The following SLC4A4 variants were observed in gnomAD, a reference collection of about 807,000 sequenced individuals.
The protein encoded by SLC4A4 is solute carrier family 4 member 4, also known as electrogenic sodium bicarbonate cotransporter 1.
A neutral mutation model predicts 111.5 loss-of-function variants in SLC4A4; 27 were observed. The ratio of observed to expected loss-of-function variants is 0.24; its 90% CI spans 0.18 to 0.33. The LOEUF (loss-of-function observed/expected upper bound fraction) is 0.33, where lower values mean the gene tolerates loss of function less well. Ranked by LOEUF, SLC4A4 falls within the 10% of genes least tolerant of loss-of-function variation. The pLI is 1.00. For synonymous variants in SLC4A4, 443 were observed against 463.4 expected (o/e 0.96, Z 0.57); for missense variants, 909 against 1,315.5 (o/e 0.69, Z 4.78).
At chr4:71,125,559 A>G (rs953855783) in intron 2 of SLC4A4, among the ~76,000 whole-genome samples, 3 of 152,182 alleles carry the variant, frequency 2.0e-5, no homozygotes, top group East Asian at 1.9e-4. Flanking sequence ...GACTCTCTCT[A>G]AAAAAGAGAA....
intron 16 of SLC4A4, among the ~76,000 whole-genome samples, chr4:71,499,107 A>G (rs1299745040): frequency 6.6e-6 from 1 of 151,872 alleles, no homozygotes; most frequent in Non-Finnish European, 1.5e-5. Context: ...TTCCTTCTTA[A>G]TAAGTAATTT....
At chr4:71,418,487 C>T (rs188639985) in intron 7 of SLC4A4, among the ~76,000 whole-genome samples, 12 of 152,160 alleles carry the variant, frequency 7.9e-5, no homozygotes, top group Admixed American at 2.6e-4. Flanking sequence ...TATTAAGTTC[C>T]GAAAACATTA....
At chr4:71,345,654 G>A (rs1329122403) in intron 4 of SLC4A4, among the ~76,000 whole-genome samples, 1 of 152,022 alleles carries the variant, frequency 6.6e-6, no homozygotes, top group Non-Finnish European at 1.5e-5. Flanking sequence ...TAAGGGCATG[G>A]CCATTAAGCA....
intron 4 of SLC4A4, among the ~76,000 whole-genome samples, chr4:71,344,706 T>G (rs1405014566): frequency 6.6e-6 from 1 of 152,172 alleles, no homozygotes; most frequent in East Asian, 1.9e-4. Context: ...ACCTATACTT[T>G]TCAGTTGGCT....
intron 2 of SLC4A4, among the ~76,000 whole-genome samples, chr4:71,248,511 A>G (rs1470943880): frequency 6.6e-6 from 1 of 151,800 alleles, no homozygotes; most frequent in Non-Finnish European, 1.5e-5. Flanking sequence ...GAGCAAAGTT[A>G]ACATTATTTT....
At chr4:71,221,585 T>C (rs1045505389) in intron 1 of SLC4A4, among the ~76,000 whole-genome samples, 6 of 152,210 alleles carry the variant, frequency 3.9e-5, no homozygotes, top group Non-Finnish European at 8.8e-5. Context: ...CTCTATGCTA[T>C]TCTCATGATA....
At chr4:71,253,948 A>G (rs1395696430) in intron 2 of SLC4A4, among the ~76,000 whole-genome samples, 1 of 152,188 alleles carries the variant, frequency 6.6e-6, no homozygotes, top group African/African-American at 2.4e-5. Context: ...CTGAAGGAGC[A>G]TATAATTCTT....
At chr4:71,427,784 A>G (rs553868866) in intron 7 of SLC4A4, among the ~76,000 whole-genome samples, 2 of 152,180 alleles carry the variant, frequency 1.3e-5, no homozygotes, top group Non-Finnish European at 1.5e-5. Flanking sequence ...TAGTTCACCA[A>G]GTGCATAGGC....
intron 3 of SLC4A4, chr4:71,300,528 G>T: frequency 8.1e-6 from 2 of 247,104 alleles, no homozygotes; most frequent in East Asian, 1.1e-4. Context: ...GGCCACTAGC[G>T]GCATGCAGAT....
At chr4:71,455,853 C>T (rs796488969) in intron 12 of SLC4A4, among the ~76,000 whole-genome samples, 12 of 152,188 alleles carry the variant, frequency 7.9e-5, no homozygotes, top group African/African-American at 2.9e-4. Flanking sequence ...TTTGATCCCT[C>T]CTAGATGGAT....
At chr4:71,110,355 C>A (rs1277497739) in intron 2 of SLC4A4, among the ~76,000 whole-genome samples, 5 of 152,088 alleles carry the variant, frequency 3.3e-5, no homozygotes, top group Non-Finnish European at 5.9e-5. Context: ...GCTGGGACTA[C>A]AGGCACATGT....
intron 12 of SLC4A4, among the ~76,000 whole-genome samples, chr4:71,464,894 A>G (rs1337392075): frequency 2.6e-5 from 4 of 152,166 alleles, no homozygotes; most frequent in African/African-American, 9.7e-5. Flanking sequence ...TTACTGTGTA[A>G]GTTTTGTAAG....
chr4:71,426,299 C>T (rs1438273762), intron 7 of SLC4A4, among the ~76,000 whole-genome samples: 2 of 151,982 alleles, frequency 1.3e-5, no homozygotes, highest in African/African-American at 2.4e-5. Flanking sequence ...ATGCCCTTGG[C>T]CAAGAGGAGG....
At chr4:71,095,931 A>G (rs1285876187) in intron 2 of SLC4A4, among the ~76,000 whole-genome samples, 1 of 152,170 alleles carries the variant, frequency 6.6e-6, no homozygotes, top group Admixed American at 6.5e-5. Flanking sequence ...TTCCAGATAG[A>G]GAAGACAGCA....
At chr4:71,249,570 G>A (rs1383752454) in intron 2 of SLC4A4, among the ~76,000 whole-genome samples, 2 of 152,084 alleles carry the variant, frequency 1.3e-5, no homozygotes, top group Non-Finnish European at 2.9e-5. Flanking sequence ...ACTCTTATGG[G>A]TTTGAGAATA....
At position 71,532,142 on chromosome 4, in the gene SLC4A4, C is replaced by T; in HGVS notation, c.2247C>T (p.Asp749=). The part of the protein sequence containing the change: ...FCVIDALVGV[D]TPKLIVPSEF... Reference sequence around the variant, plus strand: ...TAATAGATGCCCTAGTAGGCGTGGACACCCCAAAACTAATTGTGCCAAGTG... The same window carrying T: ...TAATAGATGCCCTAGTAGGCGTGGATACCCCAAAACTAATTGTGCCAAGTG... Residue 749 remains aspartate, a synonymous_variant, in exon 17 of 26, where the codon GAC becomes GAT. Transcript: ENST00000264485. 6.2e-7 allele frequency: 1 copy of T among 1,611,378 alleles called. No homozygotes were observed. Among genetic ancestry groups the T allele is most frequent in the Non-Finnish European group, 8.5e-7 (1 of 1,177,698 alleles).
intron 6 of SLC4A4, among the ~76,000 whole-genome samples, chr4:71,393,823 C>T (rs1719536702): frequency 6.6e-6 from 1 of 152,040 alleles, no homozygotes; most frequent in African/African-American, 2.4e-5. Flanking sequence ...GCACATAGAC[C>T]AATGGAACAG....
At chr4:71,246,024 T>A (rs748400504) in intron 2 of SLC4A4, among the ~76,000 whole-genome samples, 2 of 152,176 alleles carry the variant, frequency 1.3e-5, no homozygotes, top group Non-Finnish European at 2.9e-5. Flanking sequence ...GATTGGTAAC[T>A]TTTGTTAACA....
chr4:71,486,546 G>C (rs1729420774), intron 14 of SLC4A4, among the ~76,000 whole-genome samples: 1 of 151,454 alleles, frequency 6.6e-6, no homozygotes, highest in Non-Finnish European at 1.5e-5. Context: ...AATTAGTAAA[G>C]CTTCAATATG....
Sources: gnomAD v4.1 joint callset for allele counts (sites outside exome capture counted in the v4.1 genomes callset) on GRCh38, gnomAD v4.1.1 for gene constraint, MANE v1.5 for transcripts, NCBI Gene and HGNC (gene_info 2026-07-23, HGNC 2026-07-21) for gene names.